The following SP4 variants were observed in gnomAD, a reference collection of about 807,000 sequenced individuals.
SP4 encodes the protein Sp4 transcription factor, also known as transcription factor Sp4.
Under a neutral mutation model 72.8 loss-of-function variants are expected in SP4, and 19 were observed. The ratio of observed to expected loss-of-function variants is 0.26; its 90% CI spans 0.18 to 0.38. The LOEUF is 0.38. Ranked by LOEUF, SP4 falls within the 10% of genes least tolerant of loss-of-function variation. The pLI, the probability that SP4 is intolerant of heterozygous loss-of-function variation, is 1.00. For missense variants in SP4, 1,008 were observed against 926.3 expected, an observed-to-expected ratio of 1.09 and a Z score of -1.14; for synonymous variants, 395 against 333.1, an observed-to-expected ratio of 1.19 and a Z score of -2.02.
chr7:21,504,717 T>C (rs1293495307), intron 5 of SP4, among the ~76,000 whole-genome samples: 2 of 152,204 alleles, frequency 1.3e-5, no homozygotes, highest in Non-Finnish European at 2.9e-5. Flanking sequence ...GCTTCATATT[T>C]TATGAAGAAC....
chr7:21,483,135 C>A (rs975056930), intron 5 of SP4, among the ~76,000 whole-genome samples: 1 of 151,974 alleles, frequency 6.6e-6, no homozygotes, highest in Non-Finnish European at 1.5e-5. Flanking sequence ...AAGTTTTTTT[C>A]AATCTAAAAT....
intron 5 of SP4, among the ~76,000 whole-genome samples, chr7:21,490,180 T>C (rs1446345706): frequency 6.6e-6 from 1 of 152,200 alleles, no homozygotes; most frequent in East Asian, 1.9e-4. Context: ...AAACTTGAAT[T>C]TGAATAACAG....
rs754897202 is a variant in SP4, at chr7:21,429,855, G to C, written c.690G>C (p.Pro230=). ...LAQNLANQTV[P]VQIRPGVSIP... is the part of the protein sequence containing the mutation. Reference sequence around the variant, plus strand: ...AAAACCTGGCAAATCAGACAGTTCCGGTCCAAATTAGACCTGGTGTTTCAA... The same window carrying C: ...AAAACCTGGCAAATCAGACAGTTCCCGTCCAAATTAGACCTGGTGTTTCAA... Residue 230 remains proline (P), a synonymous_variant, in exon 3 of 6, where the codon CCG becomes CCC. Transcript: ENST00000222584. The C allele has an allele frequency of 5.0e-6, 8 of 1,614,088 alleles. No individual in the cohort carries two copies. Among genetic ancestry groups the C allele is most frequent in the Non-Finnish European group, 6.8e-6 (8 of 1,180,008 alleles).
intron 3 of SP4, among the ~76,000 whole-genome samples, chr7:21,451,093 G>A (rs1783581883): frequency 6.6e-6 from 1 of 152,208 alleles, no homozygotes; most frequent in African/African-American, 2.4e-5. Flanking sequence ...CCAGCACTTG[G>A]GAGGGGCTGC....
chr7:21,511,126 G>A lies in SP4; in HGVS notation c.2212G>A (p.Ala738Thr), dbSNP rs1782130947. 1.9e-6 allele frequency: 3 copies of A among 1,614,216 alleles called. No individual in the cohort carries two copies. In the African/African-American group the frequency reaches 4.0e-5, roughly 22 times the overall value. Residue 738 changes from alanine to threonine, a missense_variant, in exon 6 of 6, where the codon GCT (alanine) becomes ACT (threonine). Transcript: ENST00000222584. ...THQNKKGGGT[A>T]LAIVTSGELD... is the part of the protein sequence containing the mutation. The stretch of plus-strand genomic sequence containing the variant: ...CCAGAATAAAAAAGGTGGTGGGACA[G>A]CTCTTGCCATTGTTACCTCGGGAGA...
At chr7:21,461,276 T>A (rs1057513349) in intron 3 of SP4, among the ~76,000 whole-genome samples, 1 of 151,862 alleles carries the variant, frequency 6.6e-6, no homozygotes, top group African/African-American at 2.4e-5. Flanking sequence ...ACTCAGGCCG[T>A]GCAGGAGCCC....
At chr7:21,470,118 A>C (rs774848278) in intron 3 of SP4, among the ~76,000 whole-genome samples, 6 of 152,226 alleles carry the variant, frequency 3.9e-5, no homozygotes, top group Non-Finnish European at 8.8e-5. Context: ...ATTGTAAACT[A>C]GCTGTCATTT....
At chr7:21,446,290 A>T (rs1311774572) in intron 3 of SP4, among the ~76,000 whole-genome samples, 4 of 152,222 alleles carry the variant, frequency 2.6e-5, no homozygotes, top group African/African-American at 9.6e-5. Context: ...GATTGTTGAA[A>T]TCAAAGTACT....
intron 5 of SP4, among the ~76,000 whole-genome samples, chr7:21,483,730 T>G (rs1318470471): frequency 6.6e-6 from 1 of 151,848 alleles, no homozygotes; most frequent in Non-Finnish European, 1.5e-5. Flanking sequence ...CTTACTATAT[T>G]AATGACTGTG....
At chr7:21,437,285 A>G (rs981298663) in intron 3 of SP4, among the ~76,000 whole-genome samples, 9 of 152,354 alleles carry the variant, frequency 5.9e-5, no homozygotes, top group Admixed American at 2.6e-4. Flanking sequence ...TGGGTTCACT[A>G]AGAAACTAGG....
intron 3 of SP4, among the ~76,000 whole-genome samples, chr7:21,474,513 G>C (rs948391669): frequency 9.9e-5 from 15 of 152,196 alleles, no homozygotes; most frequent in African/African-American, 3.4e-4. Context: ...AATAGATTTT[G>C]TAGCCAAGGT....
chr7:21,504,964 C>T lies in SP4; in HGVS notation c.2108-6058C>T, dbSNP rs149228602. Among the ~76,000 whole-genome samples, 168 of 152,296 alleles carry T rather than the reference C, an allele frequency of 1.1e-3. 2 individuals are homozygous for T. The highest frequency in any genetic ancestry group is 3.8e-3 in the African/African-American group (160 of 41,562). On this transcript the variant is annotated intron_variant, in intron 5 of 5. Transcript: ENST00000222584. ...GAGTGAGCACCCCAAGGGTGATCCACTGTTACCAACAGATGGAATGGTTTC... is the reference window on the plus strand; with the variant it reads ...GAGTGAGCACCCCAAGGGTGATCCATTGTTACCAACAGATGGAATGGTTTC...
chr7:21,430,356 A>G lies in SP4; in HGVS notation c.1191A>G (p.Gln397=), dbSNP rs1486504099. 3.1e-6 allele frequency: 5 copies of G among 1,614,026 alleles called. No individual in the cohort carries two copies. Among genetic ancestry groups the G allele is most frequent in the Non-Finnish European group, 8.5e-7 (1 of 1,180,024 alleles). The change falls in exon 3 of 6, where the codon CAA becomes CAG. Residue 397 remains glutamine (Q), a synonymous_variant. Transcript: ENST00000222584. ...AATCAAATTCTCTTCAGCAGGTGCA[A>G]ATTGTAGGCCAACCTATCTTACAGC... is the stretch of plus-strand genomic sequence containing the variant. The part of the protein sequence containing the change: ...QDQSNSLQQV[Q]IVGQPILQQI...
At position 21,430,452 on chromosome 7, in the gene SP4, A is replaced by C. The variant is rs773036462; in HGVS notation, c.1287A>C (p.Ser429=). The change falls in exon 3 of 6, where the codon TCA becomes TCC. Residue 429 remains serine (S), a synonymous_variant. Coordinates refer to ENST00000222584, the MANE Select transcript of SP4 (RefSeq NM_003112.5). The stretch of plus-strand genomic sequence containing the variant: ...CACCACAGTCGTTTCAACTCCAGTC[A>C]GGGCAGACGATTCAGACCATCCAGC... ...AIPPQSFQLQ[S]GQTIQTIQQQ... 6.2e-7 allele frequency: 1 copy of C among 1,614,228 alleles called. No homozygotes were observed.
At chr7:21,455,690 A>G (rs920212203) in intron 3 of SP4, among the ~76,000 whole-genome samples, 2 of 152,068 alleles carry the variant, frequency 1.3e-5, no homozygotes, top group Non-Finnish European at 2.9e-5. Context: ...CTGTGTACCT[A>G]TCATTGTGCC....
intron 3 of SP4, among the ~76,000 whole-genome samples, chr7:21,471,640 C>T (rs1056010872): frequency 4.0e-5 from 6 of 151,806 alleles, no homozygotes; most frequent in Admixed American, 6.6e-5. Context: ...TTGAGTGTAG[C>T]GTGGGCAACA....
At chr7:21,477,707 G>GT (rs1285083442) in intron 4 of SP4, among the ~76,000 whole-genome samples, 1 of 151,834 alleles carries the variant, frequency 6.6e-6, no homozygotes, top group African/African-American at 2.4e-5. Context: ...CACCCGGCTA[G>GT]TTTTTGTATT....
chr7:21,464,730 T>C (rs1192523068), intron 3 of SP4, among the ~76,000 whole-genome samples: 1 of 152,082 alleles, frequency 6.6e-6, no homozygotes, highest in Non-Finnish European at 1.5e-5. Context: ...ACAACCTTCA[T>C]AGGCTTCCAA....
At chr7:21,463,335 C>G (rs1258095862) in intron 3 of SP4, among the ~76,000 whole-genome samples, 1 of 152,084 alleles carries the variant, frequency 6.6e-6, no homozygotes, top group African/African-American at 2.4e-5. Flanking sequence ...ATGTACATTG[C>G]CAGCATAGGA....
Sources: gnomAD v4.1 joint callset for allele counts (sites outside exome capture counted in the v4.1 genomes callset) on GRCh38, gnomAD v4.1.1 for gene constraint, MANE v1.5 for transcripts, NCBI Gene and HGNC (gene_info 2026-07-23, HGNC 2026-07-21) for gene names.